KIF26B: variants seen among roughly 807,000 people sequenced by gnomAD.
The protein encoded by KIF26B is kinesin family member 26B.
KIF26B carries 63 observed loss-of-function variants against 151.2 expected under a neutral mutation model. The ratio of observed to expected loss-of-function variants is 0.42; its 90% CI spans 0.34 to 0.51. The LOEUF (loss-of-function observed/expected upper bound fraction) is 0.51. Among genes scored for constraint, KIF26B ranks in the 20% least tolerant of loss-of-function variants. The probability of loss-of-function intolerance (pLI) is 0.07; values close to 1 mark genes in which losing one functional copy is unlikely to be tolerated. For synonymous variants in KIF26B, 1,357 were observed against 1,262.1 expected, an observed-to-expected ratio of 1.08 and a Z score of -1.59; for missense variants, 2,813 against 2,913.6, an observed-to-expected ratio of 0.97 and a Z score of 0.79.
At chr1:245,503,383 C>G (rs1660662159) in intron 4 of KIF26B, among the ~76,000 whole-genome samples, 1 of 152,152 alleles carries the variant, frequency 6.6e-6, no homozygotes, top group Non-Finnish European at 1.5e-5. Context: ...TACCACATGC[C>G]AAATGAGTTT....
At chr1:245,578,156 T>C (rs1473926453) in intron 5 of KIF26B, among the ~76,000 whole-genome samples, 1 of 152,224 alleles carries the variant, frequency 6.6e-6, no homozygotes, top group Non-Finnish European at 1.5e-5. Context: ...CTAGACGATA[T>C]GGTTTAGAAA....
In KIF26B at chr1:245,166,897, A is replaced by C. The variant is rs1306119852; in HGVS notation, c.465+10214A>C. 1.3e-5 allele frequency among the ~76,000 whole-genome samples: 2 copies of C among 152,200 alleles called. No individual in the cohort carries two copies. The highest frequency in any genetic ancestry group is 4.8e-5 in the African/African-American group (2 of 41,448). ...GGATCCTGTGAGCTCTAATACAAAA[A>C]ACCGAGACATTCTGAACGTTGCTAT... On this transcript the variant is annotated intron_variant, in intron 2 of 14. Coordinates refer to ENST00000407071, the MANE Select transcript of KIF26B (RefSeq NM_018012.4). The surrounding 1 kb of genome is among the most constrained non-coding windows in gnomAD (Gnocchi z 4.5).
chr1:245,293,650 C>G (rs1671291505), intron 2 of KIF26B, among the ~76,000 whole-genome samples: 1 of 151,478 alleles, frequency 6.6e-6, no homozygotes, highest in South Asian at 2.1e-4. Context: ...GCAATCTCCA[C>G]TCACCGCAAC....
chr1:245,200,235 G>A (rs966766835), intron 2 of KIF26B, among the ~76,000 whole-genome samples: 12 of 152,134 alleles, frequency 7.9e-5, no homozygotes, highest in South Asian at 4.1e-4. Context: ...GATGTAGGGC[G>A]ACTACTGCAG....
At chr1:245,186,670 T>C (rs576809053) in intron 2 of KIF26B, among the ~76,000 whole-genome samples, 3 of 152,308 alleles carry the variant, frequency 2.0e-5, no homozygotes, top group South Asian at 4.2e-4. Flanking sequence ...CTTGGCCTTC[T>C]GTAAAGTGGG....
chr1:245,254,028 T>A (rs1032848967), intron 2 of KIF26B, among the ~76,000 whole-genome samples: 1 of 152,074 alleles, frequency 6.6e-6, no homozygotes, highest in Non-Finnish European at 1.5e-5. Flanking sequence ...GCCAGGATGG[T>A]CTCGATCTCC....
intron 4 of KIF26B, among the ~76,000 whole-genome samples, chr1:245,475,925 G>C (rs1660028740): frequency 6.6e-6 from 1 of 151,854 alleles, no homozygotes; most frequent in African/African-American, 2.4e-5. Context: ...CAAGAGAACT[G>C]AAAACATACA....
At chr1:245,408,269 G>A (rs569115773) in intron 3 of KIF26B, among the ~76,000 whole-genome samples, 3 of 151,978 alleles carry the variant, frequency 2.0e-5, no homozygotes, top group South Asian at 2.1e-4. Flanking sequence ...CACAAAACAC[G>A]GGATAGAGAG....
rs1191767340 is a variant in KIF26B at position 245,374,137 on chromosome 1, ATG to A, written c.999+6771_999+6772del. ...TATATATATATATATATATATATATATGGGCACAAAAGGATGTAAAAGCAACA... is the reference window on the plus strand; with the variant it reads ...TATATATATATATATATATATATATAGGCACAAAAGGATGTAAAAGCAACA... On this transcript the variant is annotated intron_variant, in intron 3 of 14. Transcript: ENST00000407071. 2.2e-3 allele frequency among the ~76,000 whole-genome samples: 236 copies of A among 107,194 alleles called. 2 individuals are homozygous for A. The highest frequency in any genetic ancestry group is 3.4e-3 in the Non-Finnish European group (178 of 52,020). 70.3% of individuals were successfully genotyped at this position (107,194 alleles called of 152,430 possible). A position where few individuals can be genotyped will look rare whatever the true frequency, so the allele number is the denominator to read the frequency against.
intron 2 of KIF26B, among the ~76,000 whole-genome samples, chr1:245,284,021 C>T (rs547831839): frequency 3.9e-5 from 6 of 152,322 alleles, no homozygotes; most frequent in South Asian, 4.2e-4. Context: ...GAAGTCCCTA[C>T]GCAATGCGGC....
chr1:245,637,807 C>T (rs962799245), intron 9 of KIF26B, among the ~76,000 whole-genome samples: 15 of 151,952 alleles, frequency 9.9e-5, no homozygotes, highest in Non-Finnish European at 1.5e-4. Flanking sequence ...AATGAGTTGG[C>T]TGTAAGTGCA....
chr1:245,601,178 C>G lies in KIF26B; in HGVS notation c.1351-1399C>G, dbSNP rs776242875. ...GTAGAGTGCGTCCCACACTCGGGCT[C>G]CTTCTACTGGGACACTGGCTTCCGG... On this transcript the variant is annotated intron_variant, in intron 5 of 14. Coordinates refer to ENST00000407071, the MANE Select transcript of KIF26B (RefSeq NM_018012.4). The surrounding 1 kb of genome is among the most constrained non-coding windows in gnomAD (Gnocchi z 4.4). 6.6e-6 allele frequency among the ~76,000 whole-genome samples: 1 copy of G among 151,776 alleles called. No individual in the cohort carries two copies. Among genetic ancestry groups the G allele is most frequent in the African/African-American group, 2.4e-5 (1 of 41,268 alleles).
In KIF26B at chr1:245,586,228, G is replaced by A. The variant is rs549466624; in HGVS notation, c.1351-16349G>A. 6.4e-4 allele frequency among the ~76,000 whole-genome samples: 97 copies of A among 151,648 alleles called. 2 individuals carry two copies. The highest frequency in any genetic ancestry group is 6.3e-3 in the South Asian group (30 of 4,774). On this transcript the variant is annotated intron_variant, in intron 5 of 14. Transcript: ENST00000407071. ...TTTAATAGAGACGGGGTCTTGCTAT[G>A]TTGCTGATTTCAAACTCCTGGCCTA...
intron 2 of KIF26B, among the ~76,000 whole-genome samples, chr1:245,233,170 A>G (rs891132738): frequency 6.6e-6 from 1 of 152,202 alleles, no homozygotes; most frequent in Non-Finnish European, 1.5e-5. Context: ...GCATAATGAA[A>G]TGATTAGGAC....
intron 4 of KIF26B, among the ~76,000 whole-genome samples, chr1:245,496,263 A>G (rs1330097225): frequency 1.3e-5 from 2 of 152,222 alleles, no homozygotes; most frequent in Non-Finnish European, 2.9e-5. Context: ...TGGAAAAATT[A>G]AAGAATCTGG....
intron 10 of KIF26B, among the ~76,000 whole-genome samples, chr1:245,672,503 C>G (rs1262942155): frequency 6.6e-6 from 1 of 152,220 alleles, no homozygotes; most frequent in Non-Finnish European, 1.5e-5. Context: ...TGGTTTCTGT[C>G]ATCCCTCCTG....
intron 2 of KIF26B, among the ~76,000 whole-genome samples, chr1:245,235,274 A>G (rs1670083731): frequency 6.6e-6 from 1 of 152,200 alleles, no homozygotes; most frequent in South Asian, 2.1e-4. Flanking sequence ...TGTCAGTTCA[A>G]TAATATTTGC....
intron 5 of KIF26B, among the ~76,000 whole-genome samples, chr1:245,592,943 C>T (rs1445471055): frequency 1.3e-5 from 2 of 152,084 alleles, no homozygotes; most frequent in Non-Finnish European, 2.9e-5. Context: ...ATTGAGGGAT[C>T]ACAGCCTCCT....
At chr1:245,177,350 A>AT (rs1054374435) in intron 2 of KIF26B, among the ~76,000 whole-genome samples, 2 of 152,026 alleles carry the variant, frequency 1.3e-5, no homozygotes, top group Non-Finnish European at 1.5e-5. Flanking sequence ...AAGAAACCCC[A>AT]TTTTTTTACA....
Sources: gnomAD v4.1 joint callset for allele counts (sites outside exome capture counted in the v4.1 genomes callset) on GRCh38, gnomAD v4.1.1 for gene constraint, Gnocchi (gnomAD v3.1) non-coding constraint, MANE v1.5 for transcripts, NCBI Gene and HGNC (gene_info 2026-07-23, HGNC 2026-07-21) for gene names.